The following VPS51 variants were observed in gnomAD, a reference collection of about 807,000 sequenced individuals.
VPS51 encodes the protein vacuolar protein sorting-associated protein 51 homolog.
VPS51 carries 55 observed loss-of-function variants against 65.1 expected under a neutral mutation model. The ratio of observed to expected loss-of-function variants is 0.84; its 90% confidence interval spans 0.68 to 1.06. The LOEUF is 1.06. Among genes scored for constraint, VPS51 ranks in the 50% least tolerant of loss-of-function variants. The pLI, the probability that VPS51 is intolerant of heterozygous loss-of-function variation, is 0.00. For synonymous variants in VPS51, 473 were observed against 489.5 expected (o/e 0.97, Z 0.44); for missense variants, 943 against 1,101.6 (o/e 0.86, Z 2.04).
rs1032291585 is a variant in VPS51, at chr11:65,111,147, CCCCTG to C, written c.2089-175_2089-171del. 5.3e-6 allele frequency: 5 copies of C among 950,078 alleles called. No individual in the cohort carries two copies. The African/African-American group carries it at 8.1e-5, about 15-fold the overall frequency. The allele number at this position is 950,078 out of a possible 1,614,324, so 58.9% of individuals were successfully genotyped here. A position where few individuals can be genotyped will look rare whatever the true frequency, so the allele number is the denominator to read the frequency against. ...CCTCTGATTGCTGGGCCCTACCTGT[CCCCTG>C]CCCTCCAGATGACGGCGCTAATATT... On this transcript the variant is annotated intron_variant, in intron 9 of 9. Transcript: ENST00000279281.
intron 2 of VPS51, among the ~76,000 whole-genome samples, chr11:65,098,663 A>G (rs1002462648): frequency 6.6e-6 from 1 of 152,214 alleles, no homozygotes; most frequent in Admixed American, 6.5e-5. Flanking sequence ...TCTGATTTGA[A>G]GCAGATTCCA....
At chr11:65,111,235 A>C in intron 9 of VPS51, 92 bp from the exon 10 acceptor site, 1 of 1,567,934 alleles carries the variant, frequency 6.4e-7, no homozygotes, top group Non-Finnish European at 8.6e-7. Flanking sequence ...AGCTACTTCC[A>C]TCGTATGTCT....
chr11:65,102,487 C>G (rs991603510), intron 2 of VPS51, among the ~76,000 whole-genome samples: 2 of 152,186 alleles, frequency 1.3e-5, no homozygotes, highest in African/African-American at 2.4e-5. Context: ...TTCTTTTACT[C>G]TATTTTCCTA....
Position 65,111,641 on chromosome 11 carries a change from CTGGTCTCGG to C in VPS51, c.*60_*68del. On this transcript the variant is annotated 3_prime_UTR_variant, in exon 10 of 10. Transcript: ENST00000279281. ...CCCTGCACCCCATGGCACCCAGGAT[CTGGTCTCGG>C]TGGTCCTTCCCCGCAGGCAGGTGTC... 1 of 1,543,408 alleles carries C rather than the reference CTGGTCTCGG, an allele frequency of 6.5e-7. No homozygotes were observed. The highest frequency in any genetic ancestry group is 8.7e-7 in the Non-Finnish European group (1 of 1,147,572).
rs1427496157 is a variant in VPS51, at chr11:65,111,498, G to A, written c.2260G>A (p.Asp754Asn). The A allele has an allele frequency of 1.2e-6, 2 of 1,613,836 alleles. No individual in the cohort carries two copies. Reference sequence around the variant, plus strand: ...CGAAGAACTCGTGCACTTGCTGCTGGACGAAGTGGTGGCCTCTGCTGCCCT... The same window carrying A: ...CGAAGAACTCGTGCACTTGCTGCTGAACGAAGTGGTGGCCTCTGCTGCCCT... ...ADEELVHLLLDEVVASAALRC... is the reference protein window; with the variant it reads ...ADEELVHLLLNEVVASAALRC... Residue 754 changes from aspartate (D) to asparagine (N), a missense_variant, in exon 10 of 10, where the codon GAC becomes AAC. Physicochemically the swap from Asp to Asn is conservative, Grantham distance 23. Transcript: ENST00000279281.
intron 2 of VPS51, among the ~76,000 whole-genome samples, chr11:65,102,018 T>G (rs1947812206): frequency 9.3e-6 from 1 of 107,340 alleles, no homozygotes; most frequent in Non-Finnish European, 1.9e-5. Context: ...CTTAACAAGC[T>G]TTTTTTTTTT....
chr11:65,111,465 G>A lies in VPS51; in HGVS notation c.2227G>A (p.Val743Met). 1 of 1,614,014 alleles carries A rather than the reference G, an allele frequency of 6.2e-7. No homozygotes were observed. Among genetic ancestry groups the A allele is most frequent in the Non-Finnish European group, 8.5e-7 (1 of 1,180,052 alleles). Reference sequence around the variant, plus strand: ...TCTGCAGCTCTACCTGTGGCGTTTTGTGGCCGACGAAGAACTCGTGCACTT... The same window carrying A: ...TCTGCAGCTCTACCTGTGGCGTTTTATGGCCGACGAAGAACTCGTGCACTT... ...HFLQLYLWRF[V>M]ADEELVHLLL... Residue 743 changes from valine (V) to methionine (M), a missense_variant, in exon 10 of 10, where the codon GTG becomes ATG. Val to Met is a conservative substitution (Grantham distance 21, BLOSUM62 1). Transcript: ENST00000279281.
intron 9 of VPS51, chr11:65,111,098 C>T (rs1947894962): frequency 6.6e-6 from 5 of 761,022 alleles, no homozygotes; most frequent in Non-Finnish European, 1.1e-5. Context: ...GTCCCTGCCC[C>T]GCCTCACTCC....
At chr11:65,106,002 G>A (rs1253125224) in intron 2 of VPS51, among the ~76,000 whole-genome samples, 3 of 152,250 alleles carry the variant, frequency 2.0e-5, no homozygotes, top group South Asian at 2.1e-4. Flanking sequence ...CTGCACTCCA[G>A]CCTGGGTGAC....
In VPS51 at chr11:65,096,231, C is replaced by G. The variant is rs999913169; in HGVS notation, c.-20C>G. ...TCCCCTTCCTTTCCAGCCTCACGCC[C>G]GTGGGCTGCAGTTGGAACGATGGCG... On this transcript the variant is annotated 5_prime_UTR_variant, in exon 1 of 10. Transcript: ENST00000279281. The G allele has an allele frequency of 1.3e-6, 2 of 1,525,602 alleles. No individual in the cohort carries two copies. The highest frequency in any genetic ancestry group is 1.8e-6 in the Non-Finnish European group (2 of 1,137,988). 94.5% of individuals were successfully genotyped at this position (1,525,602 alleles called of 1,614,324 possible).
In VPS51 at chr11:65,109,502, C is replaced by A; in HGVS notation, c.1659+7C>A. ...TGAACAGTTTCTGGTGCAGGTGAAG[C>A]ACTAGCTCCTAGCCGGGCAGGGAAT... is the stretch of plus-strand genomic sequence containing the variant. On this transcript the variant is annotated splice_region_variant and intron_variant, in intron 6 of 9. Transcript: ENST00000279281. The A allele has an allele frequency of 6.2e-7, 1 of 1,604,448 alleles. No individual in the cohort carries two copies.
chr11:65,108,732 T>C lies in VPS51; in HGVS notation c.1261T>C (p.Cys421Arg). Reference protein sequence around the residue: ...LQGLRAAFLGCLTDVRQALAA... With the variant: ...LQGLRAAFLGRLTDVRQALAA... The stretch of plus-strand genomic sequence containing the variant: ...GGGTCTCCGGGCGGCCTTCCTGGGC[T>C]GCCTGACAGACGTCCGCCAGGCGCT... The change falls in exon 5 of 10, where the codon TGC becomes CGC. Residue 421 changes from cysteine to arginine, a missense_variant. Physicochemically the swap from Cys to Arg is radical, Grantham distance 180. Coordinates refer to ENST00000279281, the MANE Select transcript of VPS51 (RefSeq NM_013265.4). 6.2e-7 allele frequency: 1 copy of C among 1,610,586 alleles called. No individual in the cohort carries two copies. The highest frequency in any genetic ancestry group is 8.5e-7 in the Non-Finnish European group (1 of 1,179,562).
At chr11:65,096,707 G>A (rs1947772640) in intron 1 of VPS51, 2 of 632,712 alleles carry the variant, frequency 3.2e-6, no homozygotes, top group African/African-American at 1.8e-5. Context: ...CTTCTGGGCT[G>A]ATGTGATAGG....
chr11:65,098,723 A>G (rs1440857060), intron 2 of VPS51, among the ~76,000 whole-genome samples: 1 of 152,244 alleles, frequency 6.6e-6, no homozygotes, highest in Non-Finnish European at 1.5e-5. Context: ...ATGGCAAGAA[A>G]TCATAGTTTC....
At chr11:65,111,048 G>A (rs1947894127) in intron 9 of VPS51, 2 of 682,332 alleles carry the variant, frequency 2.9e-6, no homozygotes, top group African/African-American at 1.8e-5. Context: ...TATCCCCACA[G>A]TAGTCTTGGG....
intron 2 of VPS51, among the ~76,000 whole-genome samples, chr11:65,100,511 G>C (rs1402041316): frequency 6.8e-6 from 1 of 146,484 alleles, no homozygotes; most frequent in Non-Finnish European, 1.5e-5. Context: ...ATGTACACAA[G>C]TGTTCATAGC....
intron 2 of VPS51, among the ~76,000 whole-genome samples, chr11:65,102,634 G>A (rs1947816783): frequency 6.6e-6 from 1 of 152,144 alleles, no homozygotes; most frequent in Non-Finnish European, 1.5e-5. Context: ...GGCAGACCTG[G>A]AAGGAGATTG....
intron 1 of VPS51, 40 bp downstream of exon 1, chr11:65,096,518 G>GGGGGGGGGGGGGGGGGGGC: frequency 6.6e-5 from 33 of 499,368 alleles, no homozygotes; most frequent in East Asian, 3.6e-4. Flanking sequence ...GGGGAGGGGG[G>GGGGGGGGGGGGGGGGGGGC]AAGGGAACCA....
intron 2 of VPS51, chr11:65,105,379 AC>A (rs1195799458): frequency 6.7e-6 from 1 of 149,394 alleles, no homozygotes; most frequent in Non-Finnish European, 1.5e-5. Flanking sequence ...ACGGAGGGAG[AC>A]CCTGTCTCAA....
Sources: gnomAD v4.1 joint callset for allele counts (sites outside exome capture counted in the v4.1 genomes callset) on GRCh38, gnomAD v4.1.1 for gene constraint, MANE v1.5 for transcripts, NCBI Gene and HGNC (gene_info 2026-07-23, HGNC 2026-07-21) for gene names.